ADARB2: variants seen among roughly 807,000 people sequenced by gnomAD.
ADARB2 encodes inactive double-stranded RNA-specific editase B2.
A neutral mutation model predicts 62.2 loss-of-function variants in ADARB2; 25 were observed. The observed-to-expected ratio is 0.40, with a 90% CI of 0.29 to 0.56. The LOEUF is 0.56. Ranked by LOEUF, ADARB2 falls within the 20% of genes least tolerant of loss-of-function variation. The pLI is 0.43. For missense variants in ADARB2, 1,071 were observed against 1,077.4 expected (o/e 0.99, Z 0.08); for synonymous variants, 572 against 500.8 (o/e 1.14, Z -1.90).
At chr10:1,462,980 C>G (rs1831198306) in intron 1 of ADARB2, among the ~76,000 whole-genome samples, 1 of 143,484 alleles carries the variant, frequency 7.0e-6, no homozygotes, top group Non-Finnish European at 1.5e-5. Context: ...GTCCTCCACT[C>G]CGGATGCAGT....
At chr10:1,538,729 C>T (rs745932855) in intron 1 of ADARB2, among the ~76,000 whole-genome samples, 4 of 152,202 alleles carry the variant, frequency 2.6e-5, no homozygotes, top group African/African-American at 7.2e-5. Context: ...CACTAGAGGA[C>T]GTCACAACGT....
At position 1,598,628 on chromosome 10, in the gene ADARB2, G is replaced by A. The variant is rs192896927; in HGVS notation, c.100+138423C>T. On this transcript the variant is annotated intron_variant, in intron 1 of 9. Transcript: ENST00000381312. Reference sequence around the variant, plus strand: ...CACACAATTCCGGAAGATCCTGACAGCAAGCCCCTGAGAGGAGAGGAGGAA... The same window carrying A: ...CACACAATTCCGGAAGATCCTGACAACAAGCCCCTGAGAGGAGAGGAGGAA... 4.7e-3 allele frequency among the ~76,000 whole-genome samples: 723 copies of A among 152,292 alleles called. 6 individuals are homozygous for A. Among genetic ancestry groups the A allele is most frequent in the African/African-American group, 0.016 (685 of 41,560 alleles).
intron 1 of ADARB2, among the ~76,000 whole-genome samples, chr10:1,436,855 T>C (rs961236667): frequency 1.3e-5 from 2 of 152,222 alleles, no homozygotes; most frequent in African/African-American, 2.4e-5. Context: ...CTCAAAGACA[T>C]TATGCAGGAA....
In ADARB2 at chr10:1,409,258, G is replaced by T. The variant is rs537983057; in HGVS notation, c.101-30098C>A. On this transcript the variant is annotated intron_variant, in intron 1 of 9. Coordinates refer to ENST00000381312, the MANE Select transcript of ADARB2 (RefSeq NM_018702.4). ...TGCCTGACAGCGGGCTCCCACCTTC[G>T]TCGCCCCGCCCTGCCTGACGGCGGG... Among the ~76,000 whole-genome samples, 821 of 101,772 alleles carry T rather than the reference G, an allele frequency of 8.1e-3. 7 individuals are homozygous for T. Among genetic ancestry groups the T allele is most frequent in the Non-Finnish European group, 9.9e-3 (424 of 42,796 alleles). The allele number at this position is 101,772 out of a possible 152,430, so 66.8% of individuals were successfully genotyped here.
intron 7 of ADARB2, among the ~76,000 whole-genome samples, chr10:1,208,984 G>C (rs1439166311): frequency 6.6e-6 from 1 of 152,176 alleles, no homozygotes; most frequent in Admixed American, 6.5e-5. Flanking sequence ...CAGTAAACAG[G>C]CTCAGGGTAT....
chr10:1,483,611 T>C (rs1831503265), intron 1 of ADARB2, among the ~76,000 whole-genome samples: 1 of 102,910 alleles, frequency 9.7e-6, no homozygotes, highest in African/African-American at 3.9e-5. Context: ...ATTATTTTTC[T>C]GGTCTTTCAG....
chr10:1,246,947 G>A (rs1326400372), intron 4 of ADARB2, among the ~76,000 whole-genome samples: 1 of 151,944 alleles, frequency 6.6e-6, no homozygotes, highest in African/African-American at 2.4e-5. Flanking sequence ...TCACGATATT[G>A]ATTCTTCCCA....
chr10:1,315,778 ATTT>A (rs1004846087), intron 3 of ADARB2, among the ~76,000 whole-genome samples: 1 of 152,204 alleles, frequency 6.6e-6, no homozygotes, highest in African/African-American at 2.4e-5. Context: ...CGTTCCAATG[ATTT>A]TTTATTATTT....
intron 7 of ADARB2, among the ~76,000 whole-genome samples, chr10:1,207,745 T>C (rs1355163154): frequency 1.3e-5 from 2 of 152,208 alleles, no homozygotes; most frequent in Non-Finnish European, 2.9e-5. Context: ...TAAAGACACA[T>C]TGTGATCAAT....
chr10:1,595,158 G>A (rs1186435264), intron 1 of ADARB2, among the ~76,000 whole-genome samples: 3 of 152,312 alleles, frequency 2.0e-5, no homozygotes, highest in South Asian at 4.1e-4. Flanking sequence ...AGGTTCCTCC[G>A]CATGGATAAT....
At chr10:1,198,358 G>A (rs1168601721) in intron 8 of ADARB2, among the ~76,000 whole-genome samples, 1 of 152,196 alleles carries the variant, frequency 6.6e-6, no homozygotes, top group African/African-American at 2.4e-5. Flanking sequence ...TTGCTTATTT[G>A]AGGGTGCTTT....
intron 1 of ADARB2, among the ~76,000 whole-genome samples, chr10:1,462,504 G>C (rs911510761): frequency 6.6e-6 from 1 of 152,232 alleles, no homozygotes; most frequent in African/African-American, 2.4e-5. Flanking sequence ...TAGGGCGTGT[G>C]CATGAGTGTA....
At chr10:1,335,337 T>G (rs1831963883) in intron 3 of ADARB2, among the ~76,000 whole-genome samples, 6 of 136,698 alleles carry the variant, frequency 4.4e-5, no homozygotes, top group East Asian at 2.2e-4. Flanking sequence ...AAGGGAGAGA[T>G]GGAAGAAAGG....
intron 1 of ADARB2, among the ~76,000 whole-genome samples, chr10:1,388,734 G>C (rs1476420497): frequency 6.6e-6 from 1 of 152,010 alleles, no homozygotes; most frequent in East Asian, 1.9e-4. Context: ...TCAATAAATA[G>C]AAATGTATGC....
chr10:1,715,318 T>C (rs1835004450), intron 1 of ADARB2, among the ~76,000 whole-genome samples: 1 of 152,204 alleles, frequency 6.6e-6, no homozygotes, highest in Non-Finnish European at 1.5e-5. Flanking sequence ...GAACTTTATC[T>C]ATGCCTTTTA....
chr10:1,737,317 C>T lies in ADARB2; in HGVS notation c.-167G>A, dbSNP rs1244172638. On this transcript the variant is annotated 5_prime_UTR_variant, in exon 1 of 10. Transcript: ENST00000381312. ...AAGCGCGCTCCGTCTCTCTGTCTCT[C>T]GAATTGTTCTCTATGACTTGCTCCC... 5 of 650,176 alleles carry T rather than the reference C, an allele frequency of 7.7e-6. No homozygotes were observed. In the Admixed American group the frequency reaches 1.4e-4, roughly 18 times the overall value. The allele number at this position is 650,176 out of a possible 1,614,324, so 40.3% of individuals were successfully genotyped here.
intron 1 of ADARB2, among the ~76,000 whole-genome samples, chr10:1,389,899 G>C (rs866428408): frequency 9.2e-5 from 14 of 152,038 alleles, no homozygotes; most frequent in South Asian, 2.1e-4. Flanking sequence ...AAAATGTCTT[G>C]GTTGTTAAAC....
intron 2 of ADARB2, among the ~76,000 whole-genome samples, chr10:1,375,798 ACACACACAC>A (rs910685803): frequency 8.5e-6 from 1 of 117,802 alleles, no homozygotes; most frequent in Admixed American, 8.7e-5. Context: ...GCACACACGC[ACACACACAC>A]CACACACATG....
At chr10:1,651,852 C>T (rs564504642) in intron 1 of ADARB2, among the ~76,000 whole-genome samples, 75 of 151,874 alleles carry the variant, frequency 4.9e-4, no homozygotes, top group African/African-American at 1.7e-3. Flanking sequence ...CACCCCCACA[C>T]GACCCAGGGT....
Sources: allele counts gnomAD v4.1 joint callset (sites outside exome capture counted in the v4.1 genomes callset), GRCh38; gene constraint gnomAD v4.1.1; transcripts MANE v1.5; gene names NCBI Gene and HGNC (gene_info 2026-07-23, HGNC 2026-07-21).